The following RP1 variants were observed in gnomAD, a reference collection of about 807,000 sequenced individuals.
RP1 encodes oxygen-regulated protein 1.
In RP1, 16 loss-of-function variants were observed where a neutral mutation model predicts 14.8. The observed-to-expected ratio is 1.08, with a 90% CI of 0.73 to 1.65. The LOEUF (loss-of-function observed/expected upper bound fraction) is 1.65. Ranked by LOEUF, RP1 falls within the 40% of genes most tolerant of loss-of-function variation. The pLI is 0.00. For missense variants in RP1, 2,631 were observed against 2,535.0 expected, an observed-to-expected ratio of 1.04 and a Z score of -0.81; for synonymous variants, 876 against 883.6, an observed-to-expected ratio of 0.99 and a Z score of 0.15.
intron 13 of RP1, among the ~76,000 whole-genome samples, chr8:54,701,191 G>GA (rs879562525): frequency 1.2e-4 from 18 of 151,326 alleles, no homozygotes; most frequent in South Asian, 6.2e-4. Context: ...ATGAGAAAAT[G>GA]AAAAAAAATG....
At chr8:54,809,100 T>G (rs1216600005) in intron 24 of RP1, among the ~76,000 whole-genome samples, 1 of 152,202 alleles carries the variant, frequency 6.6e-6, no homozygotes, top group African/African-American at 2.4e-5. Flanking sequence ...ATTTAGCTAT[T>G]TTTTCCTGTC....
At chr8:54,581,339 C>T (rs1015436635) in intron 1 of RP1, among the ~76,000 whole-genome samples, 2 of 152,194 alleles carry the variant, frequency 1.3e-5, no homozygotes, top group African/African-American at 4.8e-5. Context: ...ATGAACTCAT[C>T]ATTTTTTATG....
chr8:54,868,699 T>C (rs1812514198), intron 28 of RP1, among the ~76,000 whole-genome samples: 1 of 152,226 alleles, frequency 6.6e-6, no homozygotes, highest in South Asian at 2.1e-4. Flanking sequence ...TCAAGTTTAC[T>C]ATAAAATTGT....
chr8:54,804,850 T>G (rs186976360), intron 24 of RP1, among the ~76,000 whole-genome samples: 1 of 152,336 alleles, frequency 6.6e-6, no homozygotes, highest in African/African-American at 2.4e-5. Flanking sequence ...AATTATATTT[T>G]AAAAAGTCTA....
Position 54,621,572 on chromosome 8 carries a change from C to A in RP1, c.606C>A (p.Asp202Glu), listed in dbSNP as rs1805879513. The A allele has an allele frequency of 1.9e-6, 3 of 1,614,108 alleles. No homozygotes were observed. In the Middle Eastern group the frequency reaches 5.0e-4, roughly 266 times the overall value. Residue 202 changes from aspartate to glutamate, a missense_variant, in exon 2 of 4, where the codon GAC becomes GAA. By Grantham distance (45) the Asp-to-Glu change is conservative. Transcript: ENST00000220676. ...CTGTGGTCAAGCTGTACGCTACGGA[C>A]GGAAGGAGGGTGAGCGTTCTGGGGG... ...QRPVVKLYATDGRRVPSLQAV... is the reference protein window; with the variant it reads ...QRPVVKLYATEGRRVPSLQAV...
At chr8:54,678,530 G>T in exon 9 of RP1, 2 of 1,533,408 alleles carry the variant, frequency 1.3e-6, no homozygotes, top group South Asian at 1.2e-5. Context: ...GCCTTCTTCT[G>T]TCACAGGTTT....
intron 12 of RP1, among the ~76,000 whole-genome samples, chr8:54,697,718 G>A (rs1327495545): frequency 6.6e-6 from 1 of 152,148 alleles, no homozygotes; most frequent in Non-Finnish European, 1.5e-5. Context: ...ACAGAACAGA[G>A]CCCTCAGAAA....
intron 1 of RP1, among the ~76,000 whole-genome samples, chr8:54,595,084 T>C (rs1414954617): frequency 6.6e-6 from 1 of 151,966 alleles, no homozygotes; most frequent in African/African-American, 2.4e-5. Context: ...CTGAATAGTA[T>C]ACTTTTATTC....
At chr8:54,586,448 A>T (rs1239867241) in intron 1 of RP1, among the ~76,000 whole-genome samples, 1 of 152,124 alleles carries the variant, frequency 6.6e-6, no homozygotes, top group East Asian at 1.9e-4. Flanking sequence ...GGGGTCAGGG[A>T]CCCACTTGAG....
chr8:54,762,522 A>G (rs879189880), intron 22 of RP1, among the ~76,000 whole-genome samples: 2 of 152,210 alleles, frequency 1.3e-5, no homozygotes, highest in African/African-American at 4.8e-5. Flanking sequence ...ACATCACTGA[A>G]TTTCTACCAT....
intron 1 of RP1, among the ~76,000 whole-genome samples, chr8:54,606,532 C>G (rs1490875516): frequency 2.6e-5 from 4 of 152,100 alleles, no homozygotes; most frequent in Non-Finnish European, 2.9e-5. Flanking sequence ...TGGAGTTGCT[C>G]TTCTCGAGGA....
chr8:54,651,920 T>C (rs901351594), intron 4 of RP1, among the ~76,000 whole-genome samples: 1 of 152,176 alleles, frequency 6.6e-6, no homozygotes, highest in Admixed American at 6.5e-5. Context: ...TGTTATATTT[T>C]TGTTTTCACT....
At chr8:54,624,443 C>CAAAAAAAAAAA (rs11332494) in intron 3 of RP1, among the ~76,000 whole-genome samples, 35 of 56,578 alleles carry the variant, frequency 6.2e-4, no homozygotes, top group Non-Finnish European at 6.8e-4. Flanking sequence ...GACTCTGTCT[C>CAAAAAAAAAAA]AAAAAAAAAA....
At chr8:54,768,569 C>T (rs1305452562) in intron 22 of RP1, among the ~76,000 whole-genome samples, 1 of 152,192 alleles carries the variant, frequency 6.6e-6, no homozygotes. Flanking sequence ...TAGCAATAAC[C>T]GTGGTTTTTG....
chr8:54,722,191 C>A (rs1236519152), intron 16 of RP1, among the ~76,000 whole-genome samples: 2 of 150,354 alleles, frequency 1.3e-5, no homozygotes, highest in Non-Finnish European at 2.9e-5. Context: ...GAGAACGCTC[C>A]CCTGCACTCT....
At chr8:54,843,511 C>G (rs1811838428) in intron 25 of RP1, among the ~76,000 whole-genome samples, 1 of 152,146 alleles carries the variant, frequency 6.6e-6, no homozygotes, top group Non-Finnish European at 1.5e-5. Flanking sequence ...ACTGAACTGT[C>G]TGCACATGTT....
Position 54,805,971 on chromosome 8 carries a change from G to A in RP1, c.3615+22261G>A, listed in dbSNP as rs192780132. On this transcript the variant is annotated intron_variant, in intron 24 of 28. Coordinates refer to the RP1 transcript ENST00000637698. ...GAATGTTTGTATCTAATACAACAGA[G>A]GAAGGTAATAAATTTATTGTCAGTG... 1.2e-3 allele frequency among the ~76,000 whole-genome samples: 177 copies of A among 152,044 alleles called. 1 individual carries two copies. The highest frequency in any genetic ancestry group is 4.1e-3 in the African/African-American group (171 of 41,508).
intron 25 of RP1, among the ~76,000 whole-genome samples, chr8:54,849,103 A>G (rs958800198): frequency 6.6e-6 from 1 of 152,136 alleles, no homozygotes; most frequent in East Asian, 1.9e-4. Flanking sequence ...CAGACCAGTG[A>G]CACTAAGCCA....
At chr8:54,617,581 C>T (rs1805750563) in intron 1 of RP1, among the ~76,000 whole-genome samples, 1 of 152,212 alleles carries the variant, frequency 6.6e-6, no homozygotes, top group Non-Finnish European at 1.5e-5. Flanking sequence ...CCTCTGCCTT[C>T]TTCCTGGAGG....
Sources: allele counts gnomAD v4.1 joint callset (sites outside exome capture counted in the v4.1 genomes callset), GRCh38; gene constraint gnomAD v4.1.1; transcripts MANE v1.5; gene names NCBI Gene and HGNC (gene_info 2026-07-23, HGNC 2026-07-21).